The following DNASE1 variants were observed in gnomAD, a reference collection of about 807,000 sequenced individuals.
DNASE1 encodes deoxyribonuclease 1.
DNASE1 carries 40 observed loss-of-function variants against 33.9 expected under a neutral mutation model. That is an observed-to-expected ratio of 1.18 (90% CI 0.92 to 1.54). The LOEUF is 1.54. DNASE1 is among the 40% of genes most tolerant of loss of function. DNASE1 has a pLI of 0.00. For synonymous variants in DNASE1, 216 were observed against 160.0 expected, an observed-to-expected ratio of 1.35 and a Z score of -2.64; for missense variants, 518 against 372.6, an observed-to-expected ratio of 1.39 and a Z score of -3.21.
chr16:3,617,255 G>C (rs2041136139), intron 1 of DNASE1, among the ~76,000 whole-genome samples: 1 of 145,740 alleles, frequency 6.9e-6, no homozygotes, highest in Admixed American at 7.1e-5. Flanking sequence ...GAACCCGGGA[G>C]ATGGAGGTTG....
rs138415805 is a variant in DNASE1 at position 3,611,864 on chromosome 16, C to T, written c.-1501C>T. On this transcript the variant is annotated 5_prime_UTR_variant and NMD_transcript_variant, in exon 1 of 12. Coordinates refer to the DNASE1 transcript ENST00000570769. ...AGCTGTGAGATAAAGTCTGGTTCCTCCCCAGCTGGCTCAGGAAATGTTCGC... is the reference window on the plus strand; with the variant it reads ...AGCTGTGAGATAAAGTCTGGTTCCTTCCCAGCTGGCTCAGGAAATGTTCGC... 383 of 152,608 alleles carry T rather than the reference C, an allele frequency of 2.5e-3. 6 individuals are homozygous for T. The East Asian group carries it at 0.03, about 12-fold the overall frequency. 9.5% of individuals were successfully genotyped at this position (152,608 alleles called of 1,614,324 possible).
At chr16:3,641,090 C>T (rs2042011820), upstream of DNASE1, 1 of 397,368 alleles carries the variant, frequency 2.5e-6, no homozygotes, top group South Asian at 1.4e-4. Flanking sequence ...GCGTGAGGCC[C>T]CATCCACAGC....
At chr16:3,632,410 A>G (rs1225342018) in intron 1 of DNASE1, among the ~76,000 whole-genome samples, 4 of 152,308 alleles carry the variant, frequency 2.6e-5, no homozygotes, top group South Asian at 2.1e-4. Context: ...GCGTATACAC[A>G]TAAGGTTTGT....
chr16:3,629,418 A>G (rs2041628499), intron 1 of DNASE1, among the ~76,000 whole-genome samples: 1 of 152,122 alleles, frequency 6.6e-6, no homozygotes. Context: ...CCATCCATGC[A>G]TTTCAGGAGT....
chr16:3,664,233 G>T, exon 10 of DNASE1: 4 of 1,500,076 alleles, frequency 2.7e-6, no homozygotes, highest in Non-Finnish European at 3.6e-6. Flanking sequence ...CCCTCCCCAG[G>T]TTGCAGCCCC....
chr16:3,621,099 ATT>A (rs1423281764), intron 1 of DNASE1, among the ~76,000 whole-genome samples: 1 of 151,772 alleles, frequency 6.6e-6, no homozygotes, highest in Non-Finnish European at 1.5e-5. Flanking sequence ...TGCCCGGCCT[ATT>A]TTATATTTTT....
Position 3,657,774 on chromosome 16 carries a change from T to TCC in DNASE1, c.761_762dup (p.Phe255ProfsTer10), listed in dbSNP as rs770037295. On this transcript the variant is annotated frameshift_variant, in exon 8 of 9. Transcript: ENST00000246949. LOFTEE classifies it low-confidence loss of function (END_TRUNC). ...GCGCCGTTGTTCCCGACTCGGCTCT[T>TCC]CCCTTTAACTTCCAGGCTGCCTATG... 1 of 1,614,042 alleles carries TCC rather than the reference T, an allele frequency of 6.2e-7. No homozygotes were observed. The highest frequency in any genetic ancestry group is 2.2e-5 in the East Asian group (1 of 44,874).
At chr16:3,629,045 G>A (rs1369535962) in intron 1 of DNASE1, among the ~76,000 whole-genome samples, 2 of 150,186 alleles carry the variant, frequency 1.3e-5, no homozygotes, top group Non-Finnish European at 3.0e-5. Flanking sequence ...GATGGTGGGC[G>A]CCTGTAATCC....
intron 1 of DNASE1, among the ~76,000 whole-genome samples, chr16:3,633,613 GAA>G (rs760178210): frequency 3.4e-5 from 3 of 88,278 alleles, no homozygotes; most frequent in African/African-American, 8.8e-5. Flanking sequence ...CATCTCAAGA[GAA>G]AAAAAAAAAA....
At chr16:3,626,146 C>T (rs2041502650) in intron 1 of DNASE1, among the ~76,000 whole-genome samples, 1 of 151,488 alleles carries the variant, frequency 6.6e-6, no homozygotes, top group Non-Finnish European at 1.5e-5. Flanking sequence ...GTGTGATGTG[C>T]ACGGGACTAG....
upstream of DNASE1, chr16:3,641,112 C>T: frequency 2.5e-6 from 1 of 396,948 alleles, no homozygotes. Flanking sequence ...GCAGCTGTGG[C>T]AGGGTGGCTA....
At chr16:3,620,888 C>A (rs1173983810) in intron 1 of DNASE1, among the ~76,000 whole-genome samples, 1 of 152,064 alleles carries the variant, frequency 6.6e-6, no homozygotes, top group African/African-American at 2.4e-5. Flanking sequence ...GCAACCTCCG[C>A]TCCCCAGGTT....
chr16:3,612,634 C>T (rs1310229956), intron 1 of DNASE1, among the ~76,000 whole-genome samples: 2 of 150,324 alleles, frequency 1.3e-5, no homozygotes, highest in East Asian at 2.0e-4. Context: ...GGTCTCGAGC[C>T]CTGGCCGCAA....
intron 1 of DNASE1, among the ~76,000 whole-genome samples, chr16:3,645,629 C>T (rs926708390): frequency 4.6e-5 from 7 of 152,196 alleles, no homozygotes; most frequent in African/African-American, 1.7e-4. Flanking sequence ...TTCAGGCCCA[C>T]ACCTCGTGGA....
In DNASE1 at chr16:3,629,171, CAAAAAAA is replaced by C. The variant is rs536378443; in HGVS notation, c.-1358-11527_-1358-11521del. ...TGGGCGACAGAGCAAGACTAAGTCT[CAAAAAAA>C]AAAAAAAAAAAAAAAATTGTAATAA... On this transcript the variant is annotated intron_variant and NMD_transcript_variant, in intron 1 of 11. Transcript: ENST00000570769. 7.1e-4 allele frequency among the ~76,000 whole-genome samples: 39 copies of C among 55,068 alleles called. No homozygotes were observed. In the Middle Eastern group the frequency reaches 0.026, roughly 37 times the overall value. The allele number at this position is 55,068 out of a possible 152,430, so 36.1% of individuals were successfully genotyped here.
At chr16:3,629,471 C>G (rs1169949584) in intron 1 of DNASE1, among the ~76,000 whole-genome samples, 1 of 152,096 alleles carries the variant, frequency 6.6e-6, no homozygotes, top group Non-Finnish European at 1.5e-5. Context: ...TAAAATGCTA[C>G]TGAATTCAGT....
upstream of DNASE1, among the ~76,000 whole-genome samples, chr16:3,649,710 TG>T (rs573536320): frequency 4.2e-4 from 64 of 152,332 alleles, no homozygotes; most frequent in African/African-American, 1.5e-3. Context: ...CTGATAGTGG[TG>T]CCGGAGGAGA....
Position 3,615,311 on chromosome 16 carries a change from C to T in DNASE1, c.-1359+3305C>T, listed in dbSNP as rs1339287511. 3.3e-5 allele frequency among the ~76,000 whole-genome samples: 5 copies of T among 152,236 alleles called. No individual in the cohort carries two copies. In the East Asian group the frequency reaches 9.6e-4, roughly 29 times the overall value. ...TAATTCCTCCCTTCAATGAACAAAG[C>T]CATCCATAACTGGGGCACCTGCTTC... On this transcript the variant is annotated intron_variant and NMD_transcript_variant, in intron 1 of 11. Coordinates refer to the DNASE1 transcript ENST00000570769.
chr16:3,657,615 G>C, intron 7 of DNASE1, 105 bp from the exon 8 acceptor site: 1 of 1,498,952 alleles, frequency 6.7e-7, no homozygotes, highest in South Asian at 1.2e-5. Flanking sequence ...GGCACCCACA[G>C]ACCTGCACTG....
Sources: gnomAD v4.1 joint callset for allele counts (sites outside exome capture counted in the v4.1 genomes callset) on GRCh38, gnomAD v4.1.1 for gene constraint, MANE v1.5 for transcripts, NCBI Gene and HGNC (gene_info 2026-07-23, HGNC 2026-07-21) for gene names.